DTD1: variants seen among roughly 807,000 people sequenced by gnomAD.
DTD1 encodes the protein D-tyrosyl-tRNA deacylase 1 homolog.
A neutral mutation model predicts 25.6 loss-of-function variants in DTD1; 13 were observed. That is an observed-to-expected ratio of 0.51 (90% CI 0.33 to 0.81). DTD1 has a LOEUF of 0.81. DTD1 is among the 30% of genes least tolerant of loss of function. DTD1 has a pLI of 0.02. For missense variants in DTD1, 193 were observed against 266.4 expected, an observed-to-expected ratio of 0.72 and a Z score of 1.92; for synonymous variants, 110 against 103.6, an observed-to-expected ratio of 1.06 and a Z score of -0.37.
At chr20:18,728,757 G>T (rs6112079) in intron 4 of DTD1, among the ~76,000 whole-genome samples, 27,308 of 152,040 alleles carry the variant, frequency 0.18, 2,643 homozygotes, top group East Asian at 0.35. Flanking sequence ...CAGTGCTCAT[G>T]TGGCAGGAAA....
intron 4 of DTD1, among the ~76,000 whole-genome samples, chr20:18,633,103 C>A (rs1346851161): frequency 1.3e-5 from 2 of 152,176 alleles, no homozygotes; most frequent in Non-Finnish European, 2.9e-5. Context: ...AGTTTGTGCT[C>A]CTCCTTAGAA....
intron 4 of DTD1, among the ~76,000 whole-genome samples, chr20:18,672,024 A>C (rs1167714042): frequency 2.0e-5 from 3 of 152,186 alleles, no homozygotes; most frequent in African/African-American, 7.2e-5. Flanking sequence ...ACTTGAGCTC[A>C]GGAGTTCAAG....
intron 4 of DTD1, among the ~76,000 whole-genome samples, chr20:18,645,783 C>T (rs944350599): frequency 1.6e-4 from 25 of 152,110 alleles, no homozygotes; most frequent in Admixed American, 7.2e-4. Context: ...GAACCACAAC[C>T]GGGAGTCAGT....
chr20:18,737,949 C>T (rs1157041632), intron 4 of DTD1, among the ~76,000 whole-genome samples: 1 of 152,208 alleles, frequency 6.6e-6, no homozygotes, highest in African/African-American at 2.4e-5. Flanking sequence ...CAGAGGGCAA[C>T]AGCAGAATGG....
chr20:18,635,677 T>C (rs1418155066), intron 4 of DTD1, among the ~76,000 whole-genome samples: 2 of 152,212 alleles, frequency 1.3e-5, no homozygotes, highest in Non-Finnish European at 2.9e-5. Context: ...GATGTTTTTC[T>C]TCCTGGTGGA....
intron 1 of DTD1, among the ~76,000 whole-genome samples, chr20:18,591,847 T>C (rs1330580272): frequency 1.3e-5 from 2 of 152,234 alleles, no homozygotes; most frequent in African/African-American, 4.8e-5. Context: ...TTACTGCCTA[T>C]GTCAGGATAG....
intron 4 of DTD1, among the ~76,000 whole-genome samples, chr20:18,670,424 C>T (rs1309132794): frequency 2.0e-5 from 3 of 152,184 alleles, no homozygotes; most frequent in African/African-American, 7.2e-5. Flanking sequence ...CCACTGCACT[C>T]CAACCTGGGT....
intron 3 of DTD1, among the ~76,000 whole-genome samples, chr20:18,607,389 G>A (rs1488143976): frequency 6.6e-6 from 1 of 152,108 alleles, no homozygotes; most frequent in Non-Finnish European, 1.5e-5. Flanking sequence ...TCGAATTCCT[G>A]ACTTCAAGTG....
chr20:18,666,751 AT>A (rs550905824), intron 4 of DTD1, among the ~76,000 whole-genome samples: 17 of 152,166 alleles, frequency 1.1e-4, no homozygotes, highest in East Asian at 3.9e-4. Flanking sequence ...TCTCTACTTA[AT>A]TTTTTTTAAA....
intron 5 of DTD1, among the ~76,000 whole-genome samples, chr20:18,747,894 C>T (rs1225772215): frequency 2.0e-5 from 3 of 151,856 alleles, no homozygotes; most frequent in African/African-American, 7.3e-5. Context: ...TGATGCGCAC[C>T]TGTAGTCTCA....
chr20:18,708,332 A>T (rs867889707), intron 4 of DTD1, among the ~76,000 whole-genome samples: 1,641 of 69,494 alleles, frequency 0.024, 160 homozygotes, highest in African/African-American at 0.085. Flanking sequence ...ATATATATAT[A>T]TTTTATATAT....
In DTD1 at chr20:18,755,371, A is replaced by G. The variant is rs189317667; in HGVS notation, c.*20-7989A>G. Among the ~76,000 whole-genome samples, 100 of 152,304 alleles carry G rather than the reference A, an allele frequency of 6.6e-4. No homozygotes were observed. The East Asian group carries it at 0.017, about 26-fold the overall frequency. On this transcript the variant is annotated intron_variant, in intron 5 of 5. Transcript: ENST00000377452. ...TGCCATGTTGGTATGCTGCACCGTT[A>G]ACTCGTCATTTAACATTAGGTATAT... is the stretch of plus-strand genomic sequence containing the variant.
At chr20:18,648,631 T>A (rs1189568466) in intron 4 of DTD1, among the ~76,000 whole-genome samples, 1 of 152,156 alleles carries the variant, frequency 6.6e-6, no homozygotes, top group Non-Finnish European at 1.5e-5. Context: ...CTCTTCCTCC[T>A]CCACTTGTCA....
chr20:18,657,553 G>A (rs2122365106), intron 4 of DTD1, among the ~76,000 whole-genome samples: 1 of 152,344 alleles, frequency 6.6e-6, no homozygotes. Flanking sequence ...GAATGAGGGA[G>A]TCCAGATCGC....
chr20:18,675,808 A>G (rs1193663), intron 4 of DTD1, among the ~76,000 whole-genome samples: 93 of 992 alleles, frequency 0.094, 5 homozygotes, highest in East Asian at 0.23. Context: ...CTATGTGTAT[A>G]TTTACACACA....
rs1162379959 is a variant in DTD1 at position 18,749,952 on chromosome 20, A to G, written c.*19+5681A>G. On this transcript the variant is annotated intron_variant, in intron 5 of 5. Coordinates refer to ENST00000377452, the MANE Select transcript of DTD1 (RefSeq NM_080820.6). This position sits in a 1 kb window ranked among gnomAD's most constrained non-coding sequence, Gnocchi z 4.2. ...TGTCTGGGTTTTGGACAAAGCGCAC[A>G]AGGAAAACCATTTATTGATGGTTTA... 6.6e-6 allele frequency among the ~76,000 whole-genome samples: 1 copy of G among 152,218 alleles called. No homozygotes were observed. The highest frequency in any genetic ancestry group is 1.5e-5 in the Non-Finnish European group (1 of 68,028).
intron 3 of DTD1, among the ~76,000 whole-genome samples, chr20:18,609,950 T>C (rs1463735339): frequency 6.6e-6 from 1 of 152,236 alleles, no homozygotes; most frequent in African/African-American, 2.4e-5. Flanking sequence ...AGTCAAATCC[T>C]CTGAGTAATT....
At chr20:18,627,483 A>G (rs562794888) in intron 3 of DTD1, among the ~76,000 whole-genome samples, 1 of 152,322 alleles carries the variant, frequency 6.6e-6, no homozygotes, top group Admixed American at 6.5e-5. Context: ...GGTAACCCAC[A>G]TTCTTTCCCA....
chr20:18,758,979 C>G (rs2061350290), intron 5 of DTD1, among the ~76,000 whole-genome samples: 1 of 152,180 alleles, frequency 6.6e-6, no homozygotes, highest in Non-Finnish European at 1.5e-5. Flanking sequence ...GATCTCTTTA[C>G]CATTATGTAA....
Sources: gnomAD v4.1 joint callset for allele counts (sites outside exome capture counted in the v4.1 genomes callset) on GRCh38, gnomAD v4.1.1 for gene constraint, Gnocchi (gnomAD v3.1) non-coding constraint, MANE v1.5 for transcripts, NCBI Gene and HGNC (gene_info 2026-07-23, HGNC 2026-07-21) for gene names.